PPARGC1A: variants seen among roughly 807,000 people sequenced by gnomAD.
PPARGC1A encodes the protein peroxisome proliferator-activated receptor gamma coactivator 1-alpha.
A neutral mutation model predicts 88.7 loss-of-function variants in PPARGC1A; 25 were observed. That is an observed-to-expected ratio of 0.28 (90% CI 0.21 to 0.39). The LOEUF (loss-of-function observed/expected upper bound fraction) is 0.39, where lower values mean the gene tolerates loss of function less well. Among genes scored for constraint, PPARGC1A ranks in the 10% least tolerant of loss-of-function variants. The probability of loss-of-function intolerance (pLI) is 1.00; values close to 1 mark genes in which losing one functional copy is unlikely to be tolerated. For missense variants in PPARGC1A, 880 were observed against 968.7 expected, an observed-to-expected ratio of 0.91 and a Z score of 1.22; for synonymous variants, 363 against 355.6, an observed-to-expected ratio of 1.02 and a Z score of -0.24.
the PPARGC1A span, among the ~76,000 whole-genome samples, chr4:24,226,290 T>C: frequency 6.6e-6 from 1 of 152,224 alleles, no homozygotes. Flanking sequence ...CCCAGCCTTC[T>C]GCATCATACA....
intron 1 of PPARGC1A, chr4:23,889,172 C>T (rs1188270133): frequency 2.0e-6 from 2 of 985,284 alleles, no homozygotes; most frequent in African/African-American, 1.7e-5. Context: ...CAGCTCCACA[C>T]ACAGTCCTGC....
chr4:24,126,023 G>T, the PPARGC1A span, among the ~76,000 whole-genome samples: 3 of 152,182 alleles, frequency 2.0e-5, no homozygotes, highest in Admixed American at 2.0e-4. Flanking sequence ...ACCTATTGAT[G>T]TAGTCATCAT....
the PPARGC1A span, among the ~76,000 whole-genome samples, chr4:24,102,124 A>G: frequency 1.3e-5 from 2 of 152,198 alleles, no homozygotes; most frequent in South Asian, 2.1e-4. Context: ...TTCTTGTCAC[A>G]GTGTCGTTGG....
the PPARGC1A span, among the ~76,000 whole-genome samples, chr4:24,147,519 C>G: frequency 6.6e-6 from 1 of 152,152 alleles, no homozygotes; most frequent in South Asian, 2.1e-4. Flanking sequence ...ACCTGAATTA[C>G]TCTATCACCC....
chr4:24,226,142 G>A, the PPARGC1A span, among the ~76,000 whole-genome samples: 269 of 152,150 alleles, frequency 1.8e-3, no homozygotes, highest in African/African-American at 5.7e-3. Flanking sequence ...CTCTGCCGCC[G>A]CCTGACACTA....
upstream of PPARGC1A, among the ~76,000 whole-genome samples, chr4:23,890,601 GCTTTTT>G (rs1717687969): frequency 1.1e-5 from 1 of 88,970 alleles, no homozygotes; most frequent in Non-Finnish European, 2.1e-5. Context: ...CGCAAACGGG[GCTTTTT>G]TTTTTTTTTT....
At chr4:24,262,030 G>A in the PPARGC1A span, among the ~76,000 whole-genome samples, 1 of 152,048 alleles carries the variant, frequency 6.6e-6, no homozygotes, top group Non-Finnish European at 1.5e-5. Flanking sequence ...TTATCTCTGG[G>A]GCAAGCAGTT....
At chr4:24,167,737 A>AT in the PPARGC1A span, among the ~76,000 whole-genome samples, 1 of 151,896 alleles carries the variant, frequency 6.6e-6, no homozygotes, top group Non-Finnish European at 1.5e-5. Flanking sequence ...AGCAAGAAAG[A>AT]TTTTTTTCTG....
the PPARGC1A span, among the ~76,000 whole-genome samples, chr4:24,035,480 G>C: frequency 8.9e-3 from 1,360 of 152,166 alleles, 26 homozygotes; most frequent in African/African-American, 0.032. Context: ...GAAGGAGGTT[G>C]GGTTGCAGCG....
chr4:23,858,070 T>G (rs1036097737), intron 2 of PPARGC1A, among the ~76,000 whole-genome samples: 2 of 152,094 alleles, frequency 1.3e-5, no homozygotes, highest in African/African-American at 4.8e-5. Flanking sequence ...GAAATGGTTC[T>G]TGGAAAAGTA....
At chr4:24,198,352 G>A in the PPARGC1A span, among the ~76,000 whole-genome samples, 1 of 152,090 alleles carries the variant, frequency 6.6e-6, no homozygotes, top group South Asian at 2.1e-4. Context: ...CATTCATTCA[G>A]AATGAATTGT....
the PPARGC1A span, among the ~76,000 whole-genome samples, chr4:24,349,420 G>A: frequency 6.6e-6 from 1 of 152,308 alleles, no homozygotes; most frequent in Admixed American, 6.5e-5. Context: ...GGGCCATCAG[G>A]TGGGGGCATG....
the PPARGC1A span, among the ~76,000 whole-genome samples, chr4:23,918,003 T>C: frequency 1.3e-5 from 2 of 152,298 alleles, no homozygotes; most frequent in East Asian, 3.9e-4. Flanking sequence ...TCCATTGAGA[T>C]ACATTGTGGA....
At chr4:23,988,363 C>G in the PPARGC1A span, among the ~76,000 whole-genome samples, 2 of 152,090 alleles carry the variant, frequency 1.3e-5, no homozygotes, top group African/African-American at 2.4e-5. Context: ...AATCACCACA[C>G]TGTCTTCCAC....
the PPARGC1A span, among the ~76,000 whole-genome samples, chr4:24,464,887 C>G: frequency 1.3e-5 from 2 of 152,226 alleles, no homozygotes; most frequent in South Asian, 2.1e-4. Flanking sequence ...CTCTTCTGGT[C>G]AAGGTGAGCC....
At chr4:24,287,705 A>G in the PPARGC1A span, among the ~76,000 whole-genome samples, 2 of 151,746 alleles carry the variant, frequency 1.3e-5, no homozygotes, top group Non-Finnish European at 2.9e-5. Flanking sequence ...GATGGAGAAG[A>G]CACAATAGTC....
the PPARGC1A span, among the ~76,000 whole-genome samples, chr4:24,287,347 C>G: frequency 6.6e-6 from 1 of 152,160 alleles, no homozygotes; most frequent in Non-Finnish European, 1.5e-5. Context: ...TGGTTGAGCG[C>G]CCTCTTAGAG....
chr4:23,799,268 T>A (rs1718205515), intron 12 of PPARGC1A, among the ~76,000 whole-genome samples: 1 of 152,178 alleles, frequency 6.6e-6, no homozygotes, highest in South Asian at 2.1e-4. Flanking sequence ...AGTCGATTCT[T>A]CCATTTTAAA....
the PPARGC1A span, among the ~76,000 whole-genome samples, chr4:24,053,255 T>G: frequency 5.3e-5 from 8 of 152,184 alleles, no homozygotes; most frequent in African/African-American, 1.9e-4. Flanking sequence ...CTCTATCCAG[T>G]TAACTTAAAG....
Sources: allele counts gnomAD v4.1 joint callset (sites outside exome capture counted in the v4.1 genomes callset), GRCh38; gene constraint gnomAD v4.1.1; transcripts MANE v1.5; gene names NCBI Gene and HGNC (gene_info 2026-07-23, HGNC 2026-07-21).